Variants in PTCD1 observed in about 807,000 individuals in gnomAD.
PTCD1 encodes the protein pentatricopeptide repeat-containing protein 1, mitochondrial.
Under a neutral mutation model 53.4 loss-of-function variants are expected in PTCD1, and 50 were observed. The ratio of observed to expected loss-of-function variants is 0.94; its 90% CI spans 0.75 to 1.19. PTCD1 has a LOEUF of 1.19. Ranked by LOEUF, PTCD1 falls within the 50% of genes most tolerant of loss-of-function variation. The pLI is 0.00. For synonymous variants in PTCD1, 413 were observed against 394.8 expected, an observed-to-expected ratio of 1.05 and a Z score of -0.55; for missense variants, 918 against 904.8, an observed-to-expected ratio of 1.01 and a Z score of -0.19.
chr7:99,426,832 C>T (rs1297691091), intron 5 of PTCD1, among the ~76,000 whole-genome samples: 10 of 151,816 alleles, frequency 6.6e-5, no homozygotes, highest in East Asian at 3.9e-4. Context: ...CCCGCCGCCC[C>T]GTCTGGGATG....
At position 99,424,939 on chromosome 7, in the gene PTCD1, G is replaced by A. The variant is rs551907449; in HGVS notation, c.1593C>T (p.Ser531=). ...TFFNTLVRKK[S]KLGDLEGAKA... is the part of the protein sequence containing the mutation. ...TGGCCCCCTCCAGGTCTCCCAGCTT[G>A]CTCTTCTTTCTCACCAGCGTGTTAA... Residue 531 remains serine (S), a synonymous_variant, in exon 6 of 8, where the codon AGC becomes AGT. Transcript: ENST00000292478. The A allele has an allele frequency of 4.3e-6, 7 of 1,614,124 alleles. No homozygotes were observed. In the Admixed American group the frequency reaches 1.2e-4, roughly 27 times the overall value.
At chr7:99,426,867 G>A (rs1186257402) in intron 5 of PTCD1, among the ~76,000 whole-genome samples, 5 of 106,094 alleles carry the variant, frequency 4.7e-5, no homozygotes, top group East Asian at 3.0e-4. Context: ...GCCCGGCCGC[G>A]ACCCCGTCTG....
rs1200156390 is a variant in PTCD1, at chr7:99,417,453, A to G, written c.*2514T>C. ...GAACTCTATGAATATTGTATTAAAGAAGGCTATGCAGACAAAAACCTGATT... is the reference window on the plus strand; with the variant it reads ...GAACTCTATGAATATTGTATTAAAGGAGGCTATGCAGACAAAAACCTGATT... On this transcript the variant is annotated 3_prime_UTR_variant, in exon 8 of 8. Coordinates refer to ENST00000292478, the MANE Select transcript of PTCD1 (RefSeq NM_015545.4). 6.2e-7 allele frequency: 1 copy of G among 1,613,580 alleles called. No homozygotes were observed. The highest frequency in any genetic ancestry group is 1.3e-5 in the African/African-American group (1 of 74,900).
At position 99,419,474 on chromosome 7, in the gene PTCD1, C is replaced by T. The variant is rs770818301; in HGVS notation, c.*493G>A. 1.7e-5 allele frequency: 28 copies of T among 1,608,048 alleles called. No individual in the cohort carries two copies. Among genetic ancestry groups the T allele is most frequent in the South Asian group, 6.6e-5 (6 of 91,070 alleles). On this transcript the variant is annotated 3_prime_UTR_variant, in exon 8 of 8. Transcript: ENST00000292478. ...GCGCTCCACCCTGGACTCTGGACTT[C>T]GCAGGTTCCTGCCTGTCACGCCACC... is the stretch of plus-strand genomic sequence containing the variant.
At chr7:99,426,836 T>G (rs1313668971) in intron 5 of PTCD1, among the ~76,000 whole-genome samples, 9 of 145,806 alleles carry the variant, frequency 6.2e-5, no homozygotes, top group African/African-American at 2.3e-4. Context: ...CCGCCCCGTC[T>G]GGGATGTGAG....
rs750283954 is a variant in PTCD1 at position 99,434,842 on chromosome 7, T to C, written c.401A>G (p.Asn134Ser). ...CTGCAAGAAGTACCAGTACGGGGTGTTTCTCCGGCCTCGCCATAATTTGGG... is the reference window on the plus strand; with the variant it reads ...CTGCAAGAAGTACCAGTACGGGGTGCTTCTCCGGCCTCGCCATAATTTGGG... Reference protein sequence around the residue: ...PEPKLWRGRRNTPYWYFLQCK... With the variant: ...PEPKLWRGRRSTPYWYFLQCK... Residue 134 changes from asparagine to serine, a missense_variant, in exon 2 of 8, where the codon AAC becomes AGC. Transcript: ENST00000292478. The C allele has an allele frequency of 1.2e-6, 2 of 1,614,180 alleles. No homozygotes were observed. Among genetic ancestry groups the C allele is most frequent in the South Asian group, 1.1e-5 (1 of 91,082 alleles).
chr7:99,429,927 C>T, intron 3 of PTCD1, 121 bp from the exon 4 acceptor site: 2 of 1,271,272 alleles, frequency 1.6e-6, no homozygotes. Context: ...AGGCCAGGCT[C>T]TAAGGCAGAG....
chr7:99,424,014 C>T, intron 6 of PTCD1, 57 bp from the exon 7 acceptor site: 1 of 1,587,074 alleles, frequency 6.3e-7, no homozygotes, highest in African/African-American at 1.3e-5. Context: ...GACCCAGCAG[C>T]TCCCACCCTC....
chr7:99,422,072 T>G (rs956260198), intron 7 of PTCD1, among the ~76,000 whole-genome samples: 9 of 152,170 alleles, frequency 5.9e-5, no homozygotes, highest in Middle Eastern at 3.4e-3. Context: ...GCACAACATG[T>G]GATCAACAAA....
At chr7:99,421,979 G>A (rs1795840181) in intron 7 of PTCD1, among the ~76,000 whole-genome samples, 1 of 152,072 alleles carries the variant, frequency 6.6e-6, no homozygotes, top group Non-Finnish European at 1.5e-5. Flanking sequence ...TATGCTTTAG[G>A]TCTATGATAG....
At chr7:99,432,943 C>T (rs1470999105) in intron 3 of PTCD1, 4 of 420,842 alleles carry the variant, frequency 9.5e-6, no homozygotes, top group South Asian at 8.6e-5. Flanking sequence ...CAGCTACTGG[C>T]GAGGCTGAGG....
intron 7 of PTCD1, among the ~76,000 whole-genome samples, 194 bp from the exon 8 acceptor site, chr7:99,420,343 G>A (rs1018155321): frequency 1.1e-4 from 16 of 152,132 alleles, no homozygotes; most frequent in African/African-American, 3.9e-4. Context: ...TCCCCGCTGG[G>A]TACCCTGGGG....
At chr7:99,425,643 T>C (rs1255730818) in intron 5 of PTCD1, 27 bp from the exon 6 acceptor site, 1 of 1,593,344 alleles carries the variant, frequency 6.3e-7, no homozygotes, top group South Asian at 1.1e-5. Context: ...AAACGTCAGC[T>C]GGGTGCTCCC....
intron 3 of PTCD1, among the ~76,000 whole-genome samples, chr7:99,432,123 T>C (rs927952343): frequency 4.6e-5 from 7 of 152,174 alleles, no homozygotes; most frequent in African/African-American, 1.4e-4. Context: ...TAGCCTGAGA[T>C]ATGGCCTCGT....
chr7:99,438,772 C>T lies in PTCD1; in HGVS notation c.-107G>A, dbSNP rs1385077783. On this transcript the variant is annotated 5_prime_UTR_variant, in exon 1 of 8. Transcript: ENST00000292478. The stretch of plus-strand genomic sequence containing the variant: ...GAACCAGTCTCTTCCTCGGGTCCCC[C>T]TCTCCCCAAGCGCGCAGGCGCAATC... 7.3e-7 allele frequency: 1 copy of T among 1,363,092 alleles called. No individual in the cohort carries two copies. The highest frequency in any genetic ancestry group is 9.6e-7 in the Non-Finnish European group (1 of 1,037,836). 84.4% of individuals were successfully genotyped at this position (1,363,092 alleles called of 1,614,324 possible). A position where few individuals can be genotyped will look rare whatever the true frequency, so the allele number is the denominator to read the frequency against.
intron 3 of PTCD1, chr7:99,433,029 A>C: frequency 1.7e-6 from 1 of 580,796 alleles, no homozygotes; most frequent in Non-Finnish European, 3.0e-6. Context: ...TGACAGAGTG[A>C]GGCTCCCTCT....
chr7:99,423,964 C>T lies in PTCD1; in HGVS notation c.1738-7G>A, dbSNP rs763128666. 3.1e-6 allele frequency: 5 copies of T among 1,613,902 alleles called. No homozygotes were observed. Among genetic ancestry groups the T allele is most frequent in the Non-Finnish European group, 4.2e-6 (5 of 1,179,886 alleles). On this transcript the variant is annotated splice_region_variant and splice_polypyrimidine_tract_variant and intron_variant, in intron 6 of 7. Transcript: ENST00000292478. ...TGGGGGTCACCTGGGACTTCTAGAACACAGGGACATCGTAGAATCAAGATG... is the reference window on the plus strand; with the variant it reads ...TGGGGGTCACCTGGGACTTCTAGAATACAGGGACATCGTAGAATCAAGATG...
In PTCD1 at chr7:99,418,140, T is replaced by C. The variant is rs577020108; in HGVS notation, c.*1827A>G. 39 of 274,586 alleles carry C rather than the reference T, an allele frequency of 1.4e-4. No homozygotes were observed. The highest frequency in any genetic ancestry group is 2.2e-4 in the Non-Finnish European group (37 of 169,706). The allele number at this position is 274,586 out of a possible 1,614,324, so 17.0% of individuals were successfully genotyped here. The stretch of plus-strand genomic sequence containing the variant: ...GCACCACCACGCCTGGCTAATTTTG[T>C]ATTTTTAGTAGAGACGGGGTTTCTC... On this transcript the variant is annotated 3_prime_UTR_variant, in exon 8 of 8. Coordinates refer to ENST00000292478, the MANE Select transcript of PTCD1 (RefSeq NM_015545.4).
intron 1 of PTCD1, among the ~76,000 whole-genome samples, chr7:99,436,142 C>G: frequency 6.6e-6 from 1 of 151,990 alleles, no homozygotes; most frequent in East Asian, 1.9e-4. Context: ...CAGGGTCTTG[C>G]TATGTGCCCA....
Sources: allele counts gnomAD v4.1 joint callset (sites outside exome capture counted in the v4.1 genomes callset), GRCh38; gene constraint gnomAD v4.1.1; transcripts MANE v1.5; gene names NCBI Gene and HGNC (gene_info 2026-07-23, HGNC 2026-07-21).